NEK1: variants seen among roughly 807,000 people sequenced by gnomAD.
NEK1 encodes the protein NIMA related kinase 1, also known as serine/threonine-protein kinase Nek1.
NEK1 carries 137 observed loss-of-function variants against 182.1 expected under a neutral mutation model. That is an observed-to-expected ratio of 0.75 (90% CI 0.65 to 0.87). The LOEUF (loss-of-function observed/expected upper bound fraction) is 0.87. Among genes scored for constraint, NEK1 ranks in the 40% least tolerant of loss-of-function variants. The pLI is 0.00. For missense variants in NEK1, 1,391 were observed against 1,494.4 expected, an observed-to-expected ratio of 0.93 and a Z score of 1.14; for synonymous variants, 513 against 492.2, an observed-to-expected ratio of 1.04 and a Z score of -0.56.
chr4:169,563,681 G>T (rs1480871700), intron 12 of NEK1, among the ~76,000 whole-genome samples: 2 of 152,138 alleles, frequency 1.3e-5, no homozygotes, highest in African/African-American at 2.4e-5. Flanking sequence ...TAATGATAAT[G>T]CTTCCAATGT....
At chr4:169,428,537 A>G (rs1443023604) in intron 29 of NEK1, among the ~76,000 whole-genome samples, 1 of 151,832 alleles carries the variant, frequency 6.6e-6, no homozygotes, top group Non-Finnish European at 1.5e-5. Flanking sequence ...ACAGAGACAG[A>G]AAGCAGATTA....
intron 26 of NEK1, among the ~76,000 whole-genome samples, chr4:169,473,290 G>A (rs1238749546): frequency 6.6e-6 from 1 of 151,752 alleles, no homozygotes; most frequent in Admixed American, 6.6e-5. Flanking sequence ...ATTCTAAGTG[G>A]GAGCTAAACA....
chr4:169,457,771 A>C (rs1743189823), intron 27 of NEK1, among the ~76,000 whole-genome samples: 1 of 150,284 alleles, frequency 6.7e-6, no homozygotes, highest in African/African-American at 2.4e-5. Context: ...GGAGGGAAGA[A>C]GACAGGCAAT....
In NEK1 at chr4:169,576,928, C is replaced by G; in HGVS notation, c.1020G>C (p.Gln340His). Reference protein sequence around the residue: ...HEKKPLQKHKQAHQTPEKRVN... With the variant: ...HEKKPLQKHKHAHQTPEKRVN... Reference sequence around the variant, plus strand: ...CACATGGTATGTAACATGATCATACCTGTTTATGTTTTTGCAGTGGTTTCT... The same window carrying G: ...CACATGGTATGTAACATGATCATACGTGTTTATGTTTTTGCAGTGGTTTCT... Residue 340 changes from glutamine to histidine, a missense_variant and splice_region_variant, in exon 12 of 36, where the codon CAG (glutamine) becomes CAC (histidine). Gln to His is a conservative substitution (Grantham distance 24). This residue lies in a region of NEK1 where 1,216 missense variants were observed against 1,277.6 expected (regional missense o/e 0.95). Transcript: ENST00000507142. 1 of 1,596,480 alleles carries G rather than the reference C, an allele frequency of 6.3e-7. No homozygotes were observed. The highest frequency in any genetic ancestry group is 8.5e-7 in the Non-Finnish European group (1 of 1,171,136).
intron 19 of NEK1, among the ~76,000 whole-genome samples, chr4:169,514,687 G>C (rs905221194): frequency 2.0e-5 from 3 of 152,086 alleles, no homozygotes; most frequent in Non-Finnish European, 2.9e-5. Flanking sequence ...ATTGTTACAA[G>C]ATCTATAATT....
intron 31 of NEK1, 102 bp downstream of exon 31, chr4:169,424,451 T>C: frequency 7.7e-7 from 1 of 1,302,504 alleles, no homozygotes; most frequent in Non-Finnish European, 1.0e-6. Flanking sequence ...TGTGTTTGTG[T>C]CTGTGTTAAG....
intron 18 of NEK1, among the ~76,000 whole-genome samples, chr4:169,543,483 C>T (rs1420987258): frequency 6.6e-6 from 1 of 152,066 alleles, no homozygotes; most frequent in Non-Finnish European, 1.5e-5. Context: ...TTTTTTGGTT[C>T]CATACGAAAT....
chr4:169,409,378 T>A (rs1045782920), intron 31 of NEK1, among the ~76,000 whole-genome samples: 1 of 152,024 alleles, frequency 6.6e-6, no homozygotes, highest in Non-Finnish European at 1.5e-5. Flanking sequence ...TCTCCTGACC[T>A]CATGATCTGC....
At position 169,534,796 on chromosome 4, in the gene NEK1, G is replaced by A. The variant is rs557248284; in HGVS notation, c.1665+3013C>T. On this transcript the variant is annotated intron_variant, in intron 19 of 35. Coordinates refer to ENST00000507142, the MANE Select transcript of NEK1 (RefSeq NM_001199397.3). ...AAGTCCACAAATATTTATAAAATAC[G>A]CAACGCTTGGTATCCAACTACAAAT... Among the ~76,000 whole-genome samples the A allele has an allele frequency of 1.2e-4, 19 of 152,096 alleles. No homozygotes were observed. The South Asian group carries it at 3.7e-3, about 30-fold the overall frequency.
At position 169,474,135 on chromosome 4, in the gene NEK1, C is replaced by T. The variant is rs181241351; in HGVS notation, c.2434+2989G>A. The stretch of plus-strand genomic sequence containing the variant: ...TGGGAAAGAGGGAAGGGGAAGAGTA[C>T]GATGGAAAAGAAAGAGCTTGGCATG... On this transcript the variant is annotated intron_variant, in intron 26 of 35. Transcript: ENST00000507142. Among the ~76,000 whole-genome samples the T allele has an allele frequency of 9.0e-4, 136 of 151,536 alleles. 1 individual carries two copies. The highest frequency in any genetic ancestry group is 3.2e-3 in the African/African-American group (132 of 41,310).
At chr4:169,522,430 C>T (rs1223093846) in intron 19 of NEK1, among the ~76,000 whole-genome samples, 1 of 152,166 alleles carries the variant, frequency 6.6e-6, no homozygotes, top group Admixed American at 6.5e-5. Flanking sequence ...CTTGGTTTGA[C>T]AAGTTATTAT....
intron 35 of NEK1, among the ~76,000 whole-genome samples, chr4:169,396,691 G>A (rs768723230): frequency 7.3e-4 from 111 of 152,208 alleles, no homozygotes; most frequent in Middle Eastern, 6.8e-3. Flanking sequence ...TGTCTTTTCA[G>A]GACTTATATA....
chr4:169,568,706 G>A (rs752292025), intron 12 of NEK1, among the ~76,000 whole-genome samples: 3 of 152,136 alleles, frequency 2.0e-5, no homozygotes, highest in Middle Eastern at 3.4e-3. Flanking sequence ...TTGGGAGGCC[G>A]GGTGGATCAC....
Position 169,479,395 on chromosome 4 carries a change from A to C in NEK1, c.2139+8T>G. 1 of 1,606,406 alleles carries C rather than the reference A, an allele frequency of 6.2e-7. No individual in the cohort carries two copies. Among genetic ancestry groups the C allele is most frequent in the African/African-American group, 1.3e-5 (1 of 74,742 alleles). On this transcript the variant is annotated splice_region_variant and intron_variant, in intron 24 of 35. Transcript: ENST00000507142. ...ACTTTGAGGAGTTCTGAATCTTAGG[A>C]AACTTACCACGCCAACTTCTTTCAA...
chr4:169,543,653 T>C (rs560559944), intron 18 of NEK1, among the ~76,000 whole-genome samples: 1 of 152,356 alleles, frequency 6.6e-6, no homozygotes, highest in South Asian at 2.1e-4. Context: ...CTGTCCTCTC[T>C]TATTTCCTTG....
At chr4:169,429,444 C>T (rs1351214526) in intron 29 of NEK1, among the ~76,000 whole-genome samples, 1 of 152,174 alleles carries the variant, frequency 6.6e-6, no homozygotes, top group Non-Finnish European at 1.5e-5. Context: ...TAAACTGGCT[C>T]TACCATTTCA....
intron 19 of NEK1, among the ~76,000 whole-genome samples, chr4:169,534,567 G>C (rs1038247948): frequency 6.6e-6 from 1 of 152,136 alleles, no homozygotes; most frequent in African/African-American, 2.4e-5. Flanking sequence ...GGTTCAATCA[G>C]GGCTGCAAAT....
chr4:169,597,487 T>C (rs992137004), intron 5 of NEK1, among the ~76,000 whole-genome samples: 1 of 151,974 alleles, frequency 6.6e-6, no homozygotes, highest in Non-Finnish European at 1.5e-5. Context: ...TTTTAAAAAA[T>C]TAGCTGGGCC....
At chr4:169,400,394 T>A in intron 34 of NEK1, 37 bp from the exon 35 acceptor site, 3 of 1,439,490 alleles carry the variant, frequency 2.1e-6, no homozygotes, top group South Asian at 2.9e-5. Flanking sequence ...AATATTTGAA[T>A]AACTTTCTGT....
Sources: allele counts gnomAD v4.1 joint callset (sites outside exome capture counted in the v4.1 genomes callset), GRCh38; gene constraint gnomAD v4.1.1; regional missense constraint gnomAD v4.1.1; transcripts MANE v1.5; gene names NCBI Gene and HGNC (gene_info 2026-07-23, HGNC 2026-07-21).